GTF3C1: variants seen among roughly 807,000 people sequenced by gnomAD.
The protein encoded by GTF3C1 is general transcription factor IIIC subunit 1, also known as general transcription factor 3C polypeptide 1.
Under a neutral mutation model 226.7 loss-of-function variants are expected in GTF3C1, and 57 were observed. That is an observed-to-expected ratio of 0.25 (90% CI 0.20 to 0.31). The LOEUF (loss-of-function observed/expected upper bound fraction) is 0.31. Among genes scored for constraint, GTF3C1 ranks in the 10% least tolerant of loss-of-function variants. The pLI is 1.00. For synonymous variants in GTF3C1, 1,090 were observed against 1,084.8 expected, an observed-to-expected ratio of 1.00 and a Z score of -0.09; for missense variants, 2,217 against 2,776.1, an observed-to-expected ratio of 0.80 and a Z score of 4.53.
At chr16:27,480,234 T>G (rs981334784) in intron 27 of GTF3C1, among the ~76,000 whole-genome samples, 15 of 141,700 alleles carry the variant, frequency 1.1e-4, no homozygotes, top group Admixed American at 5.6e-4. Context: ...AGTTGCCCCA[T>G]AACTTTACTG....
chr16:27,470,238 C>A lies in GTF3C1; in HGVS notation c.4684G>T (p.Asp1562Tyr). ...GCCACACAATTTCCTCCAGGGCCGT[C>A]CAGTGAAAAGGCCACCATGTCGTTT... The part of the protein sequence containing the change: ...PTNDMVAFSL[D>Y]GPGGNCVAVL... The change falls in exon 31 of 37, where the codon GAC becomes TAC. Residue 1562 changes from aspartate to tyrosine, a missense_variant. By Grantham distance (160) the Asp-to-Tyr change is radical. Coordinates refer to ENST00000356183, the MANE Select transcript of GTF3C1 (RefSeq NM_001520.4). The surrounding 1 kb of genome is among the most constrained non-coding windows in gnomAD (Gnocchi z 4.9). 1 of 1,613,850 alleles carries A rather than the reference C, an allele frequency of 6.2e-7. No individual in the cohort carries two copies. The highest frequency in any genetic ancestry group is 8.5e-7 in the Non-Finnish European group (1 of 1,179,728).
At position 27,462,651 on chromosome 16, in the gene GTF3C1, T is replaced by C. The variant is rs114553703; in HGVS notation, c.5925-165A>G. 3.0e-3 allele frequency: 1,769 copies of C among 599,654 alleles called. 27 individuals carry two copies. The African/African-American group carries it at 0.03, about 10-fold the overall frequency. The allele number at this position is 599,654 out of a possible 1,614,324, so 37.1% of individuals were successfully genotyped here. A position where few individuals can be genotyped will look rare whatever the true frequency, so the allele number is the denominator to read the frequency against. ...CCAAACTCCCTGCTTCTCTCCTGTC[T>C]GGACAGAGGGGCCCTTGACCGCCAG... On this transcript the variant is annotated intron_variant, in intron 35 of 36. Transcript: ENST00000356183. This position sits in a 1 kb window ranked among gnomAD's most constrained non-coding sequence, Gnocchi z 4.5.
chr16:27,536,942 C>T (rs1336341349), intron 4 of GTF3C1, among the ~76,000 whole-genome samples: 1 of 152,192 alleles, frequency 6.6e-6, no homozygotes, highest in Non-Finnish European at 1.5e-5. Flanking sequence ...ATTAGGTCAC[C>T]CCAATGGCAA....
rs755821649 is a variant in GTF3C1, at chr16:27,508,613, C to A, written c.1169G>T (p.Arg390Leu). ...GTKGISQAEI[R>L]VAMNVGKLEA... is the part of the protein sequence containing the mutation. Reference sequence around the variant, plus strand: ...TAGTTTTCCCACATTCATAGCCACTCGGATTTCAGCTTGGGAAATTCCTTT... The same window carrying A: ...TAGTTTTCCCACATTCATAGCCACTAGGATTTCAGCTTGGGAAATTCCTTT... The change falls in exon 8 of 37, where the codon CGA (arginine) becomes CTA (leucine). Residue 390 changes from arginine to leucine, a missense_variant. Arg to Leu is a moderately radical substitution (Grantham distance 102). This residue lies in a region of GTF3C1 where 163 missense variants were observed against 234.3 expected (regional missense o/e 0.70). Transcript: ENST00000356183. 3.7e-6 allele frequency: 6 copies of A among 1,614,066 alleles called. No homozygotes were observed.
At chr16:27,535,580 A>C (rs1246380544) in intron 4 of GTF3C1, among the ~76,000 whole-genome samples, 1 of 151,868 alleles carries the variant, frequency 6.6e-6, no homozygotes, top group Non-Finnish European at 1.5e-5. Context: ...CAAATAAAAA[A>C]AAAAAAAAAA....
At position 27,508,461 on chromosome 16, in the gene GTF3C1, T is replaced by C. The variant is rs2088520809; in HGVS notation, c.1242+79A>G. 3 of 1,129,822 alleles carry C rather than the reference T, an allele frequency of 2.7e-6. No individual in the cohort carries two copies. The Admixed American group carries it at 5.3e-5, about 20-fold the overall frequency. 70.0% of individuals were successfully genotyped at this position (1,129,822 alleles called of 1,614,324 possible). A position where few individuals can be genotyped will look rare whatever the true frequency, so the allele number is the denominator to read the frequency against. On this transcript the variant is annotated intron_variant, in intron 8 of 36. Coordinates refer to ENST00000356183, the MANE Select transcript of GTF3C1 (RefSeq NM_001520.4). ...ACAGATGTCAGGCCATCGAGTCTTC[T>C]GACTGAGATGCTCGTTCTCAAATAC...
chr16:27,490,342 T>C (rs2088214200), intron 19 of GTF3C1, among the ~76,000 whole-genome samples: 1 of 152,198 alleles, frequency 6.6e-6, no homozygotes, highest in Admixed American at 6.5e-5. Context: ...AAAATACCAC[T>C]AAAAGCACTG....
intron 29 of GTF3C1, among the ~76,000 whole-genome samples, chr16:27,475,031 G>C (rs2087931379): frequency 6.6e-6 from 1 of 152,272 alleles, no homozygotes; most frequent in Non-Finnish European, 1.5e-5. Flanking sequence ...CTCTGAAGCA[G>C]GGCATTCAAG....
intron 16 of GTF3C1, among the ~76,000 whole-genome samples, chr16:27,494,424 A>C (rs1042295953): frequency 3.3e-5 from 5 of 151,694 alleles, no homozygotes; most frequent in African/African-American, 4.8e-5. Flanking sequence ...AAAAAAAAAA[A>C]ACAAAAAAAA....
At chr16:27,502,693 G>C (rs753373480) in intron 11 of GTF3C1, among the ~76,000 whole-genome samples, 166 bp downstream of exon 11, 13 of 152,022 alleles carry the variant, frequency 8.6e-5, no homozygotes, top group Non-Finnish European at 1.3e-4. Flanking sequence ...AGATGGTAGG[G>C]AGGACCATCT....
chr16:27,546,073 C>G (rs945090860), intron 1 of GTF3C1, among the ~76,000 whole-genome samples: 2 of 152,158 alleles, frequency 1.3e-5, no homozygotes, highest in Non-Finnish European at 2.9e-5. Flanking sequence ...GTCTCGAACT[C>G]CTGACCTCGG....
intron 29 of GTF3C1, among the ~76,000 whole-genome samples, chr16:27,475,802 A>C (rs2087943165): frequency 6.6e-6 from 1 of 152,228 alleles, no homozygotes. Context: ...GACCTCCCAC[A>C]ACCAGAATAT....
chr16:27,509,383 G>A lies in GTF3C1; in HGVS notation c.1127-728C>T, dbSNP rs76694123. 5.9e-3 allele frequency among the ~76,000 whole-genome samples: 905 copies of A among 152,286 alleles called. 12 individuals are homozygous for A. Among genetic ancestry groups the A allele is most frequent in the African/African-American group, 0.021 (877 of 41,550 alleles). On this transcript the variant is annotated intron_variant, in intron 7 of 36. Transcript: ENST00000356183. ...AGGAAGGAGTCGGCTTAGGAACTGG[G>A]AGGTGGGCAGGGAGTCCCAGCAGTA...
chr16:27,472,034 TG>T, intron 29 of GTF3C1, 114 bp from the exon 30 acceptor site: 1 of 850,290 alleles, frequency 1.2e-6, no homozygotes, highest in Non-Finnish European at 1.9e-6. Context: ...TGACCGATCG[TG>T]GGAGGCCCAG....
intron 6 of GTF3C1, among the ~76,000 whole-genome samples, chr16:27,523,530 C>CA (rs1036874027): frequency 2.6e-5 from 4 of 151,862 alleles, no homozygotes; most frequent in African/African-American, 4.8e-5. Flanking sequence ...AAGCTCAAGG[C>CA]AAAAAAACCC....
At chr16:27,475,983 T>G (rs530407182) in intron 29 of GTF3C1, among the ~76,000 whole-genome samples, 1 of 152,174 alleles carries the variant, frequency 6.6e-6, no homozygotes, top group Non-Finnish European at 1.5e-5. Context: ...CCCATCCCCA[T>G]GCTTTAAAGA....
intron 24 of GTF3C1, 147 bp downstream of exon 24, chr16:27,485,850 T>C (rs1401634972): frequency 1.9e-6 from 1 of 536,402 alleles, no homozygotes; most frequent in African/African-American, 2.0e-5. Context: ...AAAAAGAAAA[T>C]GTGTAGGATT....
intron 15 of GTF3C1, 24 bp downstream of exon 15, chr16:27,495,187 G>A: frequency 1.9e-6 from 3 of 1,577,212 alleles, no homozygotes; most frequent in Admixed American, 1.7e-5. Flanking sequence ...CGCCCCAGGT[G>A]CAGGAGTGGC....
chr16:27,535,060 A>T (rs2088980063), intron 4 of GTF3C1, among the ~76,000 whole-genome samples: 1 of 152,172 alleles, frequency 6.6e-6, no homozygotes, highest in African/African-American at 2.4e-5. Context: ...ATATACACAA[A>T]TCTATTATAA....
Sources: gnomAD v4.1 joint callset for allele counts (sites outside exome capture counted in the v4.1 genomes callset) on GRCh38, gnomAD v4.1.1 for gene constraint, gnomAD v4.1.1 regional missense constraint, Gnocchi (gnomAD v3.1) non-coding constraint, MANE v1.5 for transcripts, NCBI Gene and HGNC (gene_info 2026-07-23, HGNC 2026-07-21) for gene names.